SIPA1L1: variants seen among roughly 807,000 people sequenced by gnomAD.
The protein encoded by SIPA1L1 is signal induced proliferation associated 1 like 1, also known as signal-induced proliferation-associated 1-like protein 1.
In SIPA1L1, 26 loss-of-function variants were observed where a neutral mutation model predicts 162.7. That is an observed-to-expected ratio of 0.16 (90% CI 0.12 to 0.22). The LOEUF is 0.22. Ranked by LOEUF, SIPA1L1 falls within the 10% of genes least tolerant of loss-of-function variation. The pLI is 1.00. For synonymous variants in SIPA1L1, 829 were observed against 837.4 expected (o/e 0.99, Z 0.17); for missense variants, 1,874 against 2,241.0 (o/e 0.84, Z 3.31).
chr14:71,403,599 CAAAAAAAAAAAA>C (rs147285643), intron 2 of SIPA1L1, among the ~76,000 whole-genome samples: 2 of 69,298 alleles, frequency 2.9e-5, no homozygotes, highest in African/African-American at 1.1e-4. Flanking sequence ...GACTCTGTCT[CAAAAAAAAAAAA>C]AAAAAAAAAA....
In SIPA1L1 at chr14:71,588,803, T is replaced by A. The variant is rs770461185; in HGVS notation, c.931T>A (p.Ser311Thr). Residue 311 changes from serine (S) to threonine (T), a missense_variant, in exon 5 of 24, where the codon TCA becomes ACA. Physicochemically the swap from Ser to Thr is moderately conservative, Grantham distance 58. Around this residue, in one of 5 missense-constraint regions of SIPA1L1, gnomAD observed 685 missense variants for 828.0 expected, o/e 0.83. Transcript: ENST00000381232. The surrounding 1 kb of genome is among the most constrained non-coding windows in gnomAD (Gnocchi z 4.3). ...NAKGEELGKS[S>T]DLEDNRSEDS... ...CAAAGGTGAAGAACTTGGGAAGTCA[T>A]CAGATCTTGAAGATAACCGATCAGA... 4.3e-6 allele frequency: 7 copies of A among 1,614,132 alleles called. No homozygotes were observed. The highest frequency in any genetic ancestry group is 5.9e-6 in the Non-Finnish European group (7 of 1,180,000).
intron 16 of SIPA1L1, among the ~76,000 whole-genome samples, chr14:71,707,827 G>A (rs376937780): frequency 3.3e-5 from 5 of 151,670 alleles, no homozygotes; most frequent in East Asian, 1.9e-4. Context: ...ATATACCAAC[G>A]TAGAATTGCA....
intron 5 of SIPA1L1, among the ~76,000 whole-genome samples, chr14:71,618,218 A>C (rs1042761377): frequency 6.6e-6 from 1 of 152,174 alleles, no homozygotes; most frequent in African/African-American, 2.4e-5. Context: ...GGCACTGTGA[A>C]GCTCTTTCCT....
chr14:71,480,209 A>G (rs150576905), intron 2 of SIPA1L1, among the ~76,000 whole-genome samples: 4,965 of 151,662 alleles, frequency 0.033, 107 homozygotes, highest in Non-Finnish European at 0.046. Flanking sequence ...CAGCCTCCCA[A>G]GTAGCTGGGA....
At chr14:71,392,780 G>A (rs1004207429) in intron 2 of SIPA1L1, among the ~76,000 whole-genome samples, 6 of 152,080 alleles carry the variant, frequency 3.9e-5, no homozygotes, top group Non-Finnish European at 7.4e-5. Flanking sequence ...TGATCTGCCC[G>A]TCTCGGCCTC....
intron 2 of SIPA1L1, among the ~76,000 whole-genome samples, chr14:71,384,284 A>G (rs1460460061): frequency 6.6e-6 from 1 of 152,108 alleles, no homozygotes; most frequent in Non-Finnish European, 1.5e-5. Context: ...TAGGGAAGAG[A>G]TAAGGTGATT....
intron 2 of SIPA1L1, among the ~76,000 whole-genome samples, chr14:71,498,993 A>G (rs2049996979): frequency 6.6e-6 from 1 of 152,048 alleles, no homozygotes; most frequent in Admixed American, 6.5e-5. Flanking sequence ...GATTCTTCAA[A>G]TGATAGGGTT....
intron 2 of SIPA1L1, among the ~76,000 whole-genome samples, chr14:71,463,130 G>T (rs1254888972): frequency 6.6e-6 from 1 of 152,196 alleles, no homozygotes; most frequent in Non-Finnish European, 1.5e-5. Flanking sequence ...TCAAGTCCTT[G>T]ATGGTGGCAT....
chr14:71,493,625 A>G (rs1168745847), intron 2 of SIPA1L1, among the ~76,000 whole-genome samples: 1 of 152,260 alleles, frequency 6.6e-6, no homozygotes, highest in African/African-American at 2.4e-5. Flanking sequence ...TCATCAGAAT[A>G]TATAGCACAG....
chr14:71,446,204 A>C (rs890846336), intron 2 of SIPA1L1, among the ~76,000 whole-genome samples: 1 of 152,160 alleles, frequency 6.6e-6, no homozygotes, highest in African/African-American at 2.4e-5. Flanking sequence ...TAAGTAAAAG[A>C]AGCTGATTTT....
intron 2 of SIPA1L1, among the ~76,000 whole-genome samples, chr14:71,491,824 G>GC (rs1246377206): frequency 5.4e-4 from 20 of 37,202 alleles, no homozygotes; most frequent in African/African-American, 1.3e-3. Flanking sequence ...CCCTTCCCCC[G>GC]CCCCCCCACA....
chr14:71,370,662 G>T (rs907076928), intron 2 of SIPA1L1, among the ~76,000 whole-genome samples: 3 of 152,116 alleles, frequency 2.0e-5, no homozygotes, highest in Admixed American at 6.6e-5. Context: ...TCTTCATGTG[G>T]GTGTTACTCA....
intron 3 of SIPA1L1, among the ~76,000 whole-genome samples, chr14:71,520,600 T>A (rs1412504718): frequency 6.6e-6 from 1 of 152,176 alleles, no homozygotes; most frequent in Non-Finnish European, 1.5e-5. Context: ...GAACTTTCTG[T>A]AAACGGAATT....
chr14:71,471,725 GT>G (rs1220537895), intron 2 of SIPA1L1, among the ~76,000 whole-genome samples: 1 of 152,206 alleles, frequency 6.6e-6, no homozygotes, highest in Non-Finnish European at 1.5e-5. Context: ...TATTGGTCTG[GT>G]GGACAGAACA....
chr14:71,680,140 C>A (rs1000306425), intron 12 of SIPA1L1, among the ~76,000 whole-genome samples: 5 of 152,158 alleles, frequency 3.3e-5, no homozygotes, highest in African/African-American at 1.2e-4. Flanking sequence ...TCAGCACCAC[C>A]TTGCACTTAT....
At chr14:71,438,288 T>G (rs1350324008) in intron 2 of SIPA1L1, among the ~76,000 whole-genome samples, 1 of 152,178 alleles carries the variant, frequency 6.6e-6, no homozygotes, top group Non-Finnish European at 1.5e-5. Context: ...TCTTTCCCTG[T>G]TGAAAATCAC....
At chr14:71,721,474 G>C (rs1355861905) in intron 17 of SIPA1L1, among the ~76,000 whole-genome samples, 1 of 152,222 alleles carries the variant, frequency 6.6e-6, no homozygotes, top group Non-Finnish European at 1.5e-5. Context: ...CCAGGGGCTG[G>C]TTAGTCAGCA....
chr14:71,636,731 G>A (rs1319816135), intron 7 of SIPA1L1, among the ~76,000 whole-genome samples: 1 of 152,128 alleles, frequency 6.6e-6, no homozygotes, highest in Non-Finnish European at 1.5e-5. Flanking sequence ...AAACATTTGA[G>A]GAAATTAATG....
At chr14:71,326,211 CTT>C (rs964178060) in intron 2 of SIPA1L1, among the ~76,000 whole-genome samples, 24 of 142,286 alleles carry the variant, frequency 1.7e-4, no homozygotes, top group South Asian at 2.2e-4. Flanking sequence ...CGACTTGCTT[CTT>C]TTTTTTTTTT....
Sources: allele counts gnomAD v4.1 joint callset (sites outside exome capture counted in the v4.1 genomes callset), GRCh38; gene constraint gnomAD v4.1.1; regional missense constraint gnomAD v4.1.1; non-coding constraint Gnocchi (gnomAD v3.1); transcripts MANE v1.5; gene names NCBI Gene and HGNC (gene_info 2026-07-23, HGNC 2026-07-21).